FMNL2: variants seen among roughly 807,000 people sequenced by gnomAD.
FMNL2 encodes formin like 2.
Under a neutral mutation model 130.2 loss-of-function variants are expected in FMNL2, and 51 were observed. The ratio of observed to expected loss-of-function variants is 0.39; its 90% CI spans 0.31 to 0.49. The LOEUF (loss-of-function observed/expected upper bound fraction) is 0.49, where lower values mean the gene tolerates loss of function less well. Ranked by LOEUF, FMNL2 falls within the 20% of genes least tolerant of loss-of-function variation. FMNL2 has a pLI of 0.85. For synonymous variants in FMNL2, 465 were observed against 467.1 expected, an observed-to-expected ratio of 1.00 and a Z score of 0.06; for missense variants, 977 against 1,316.2, an observed-to-expected ratio of 0.74 and a Z score of 3.99.
chr2:152,406,755 T>A (rs1686004736), intron 1 of FMNL2, among the ~76,000 whole-genome samples: 1 of 152,092 alleles, frequency 6.6e-6, no homozygotes, highest in Non-Finnish European at 1.5e-5. Context: ...CCACGTACTG[T>A]TCCACTTTAA....
intron 1 of FMNL2, among the ~76,000 whole-genome samples, chr2:152,454,789 G>A (rs532634046): frequency 6.6e-6 from 1 of 152,322 alleles, no homozygotes; most frequent in Admixed American, 6.5e-5. Flanking sequence ...GTCTGTTCAT[G>A]CCATTGATTT....
chr2:152,489,381 G>A (rs958011434), intron 1 of FMNL2, among the ~76,000 whole-genome samples: 3 of 152,180 alleles, frequency 2.0e-5, no homozygotes, highest in African/African-American at 7.2e-5. Flanking sequence ...TTAACAGTAT[G>A]CATTTCAACT....
intron 4 of FMNL2, among the ~76,000 whole-genome samples, chr2:152,554,906 C>T (rs905303353): frequency 6.6e-6 from 1 of 152,178 alleles, no homozygotes; most frequent in African/African-American, 2.4e-5. Flanking sequence ...GCTACTTGAG[C>T]AGGTAGCAGA....
chr2:152,626,764 A>G, intron 17 of FMNL2, 37 bp downstream of exon 17: 1 of 1,540,074 alleles, frequency 6.5e-7, no homozygotes, highest in Non-Finnish European at 8.8e-7. Flanking sequence ...TTAGTTTATG[A>G]TAAAATGAAA....
intron 1 of FMNL2, among the ~76,000 whole-genome samples, chr2:152,387,493 T>C (rs1684849020): frequency 6.6e-6 from 1 of 152,248 alleles, no homozygotes; most frequent in Non-Finnish European, 1.5e-5. Flanking sequence ...TCTATAAATG[T>C]ATGAAATATA....
intron 6 of FMNL2, among the ~76,000 whole-genome samples, chr2:152,569,539 G>A (rs562517584): frequency 2.7e-5 from 4 of 148,048 alleles, no homozygotes; most frequent in East Asian, 2.0e-4. Flanking sequence ...TTGCTTAGCC[G>A]GGCGTGGTGG....
intron 1 of FMNL2, among the ~76,000 whole-genome samples, chr2:152,408,554 A>C (rs1004239854): frequency 6.6e-6 from 1 of 152,214 alleles, no homozygotes; most frequent in Non-Finnish European, 1.5e-5. Context: ...TTTCTCCTTG[A>C]AATACAGATG....
chr2:152,531,175 A>G (rs1268252813), intron 2 of FMNL2, among the ~76,000 whole-genome samples: 1 of 152,218 alleles, frequency 6.6e-6, no homozygotes, highest in African/African-American at 2.4e-5. Flanking sequence ...CAGATAGAGT[A>G]TAACTTCAAG....
At chr2:152,355,489 GT>G (rs1682731898) in intron 1 of FMNL2, among the ~76,000 whole-genome samples, 1 of 152,026 alleles carries the variant, frequency 6.6e-6, no homozygotes, top group Non-Finnish European at 1.5e-5. Context: ...AGGGCTTTAG[GT>G]TTTTCTCATG....
At chr2:152,519,493 A>T (rs1197078931) in intron 1 of FMNL2, among the ~76,000 whole-genome samples, 1 of 152,208 alleles carries the variant, frequency 6.6e-6, no homozygotes, top group Non-Finnish European at 1.5e-5. Flanking sequence ...TCCTGTGGCG[A>T]TGTTTGCCAA....
chr2:152,540,339 A>G (rs982708790), intron 2 of FMNL2, among the ~76,000 whole-genome samples: 8 of 152,152 alleles, frequency 5.3e-5, no homozygotes, highest in African/African-American at 1.9e-4. Context: ...ATTTAAAAAA[A>G]GTAGTTTATA....
rs528210817 is a variant in FMNL2, at chr2:152,580,366, A to G, written c.783-590A>G. 2.0e-5 allele frequency among the ~76,000 whole-genome samples: 3 copies of G among 152,352 alleles called. No individual in the cohort carries two copies. The East Asian group carries it at 5.8e-4, about 29-fold the overall frequency. ...GTTTTATTTTCTTGAGTCAAAGAAA[A>G]TATTCTTGTGTTAGTAAAGCTAGTA... On this transcript the variant is annotated intron_variant, in intron 8 of 25. Coordinates refer to ENST00000288670, the MANE Select transcript of FMNL2 (RefSeq NM_052905.4).
At chr2:152,534,930 A>G (rs1693912163) in intron 2 of FMNL2, among the ~76,000 whole-genome samples, 1 of 152,206 alleles carries the variant, frequency 6.6e-6, no homozygotes, top group Admixed American at 6.5e-5. Flanking sequence ...AAATGATTTC[A>G]TATTCAGAGC....
At chr2:152,510,979 T>C (rs1284835045) in intron 1 of FMNL2, among the ~76,000 whole-genome samples, 1 of 152,224 alleles carries the variant, frequency 6.6e-6, no homozygotes, top group Non-Finnish European at 1.5e-5. Context: ...GTTGATAGTT[T>C]TATTTTTAAT....
chr2:152,390,107 A>T, intron 1 of FMNL2: 1 of 1,405,544 alleles, frequency 7.1e-7, no homozygotes, highest in African/African-American at 1.4e-5. Context: ...AGGAGGACAA[A>T]GGAAAACTGA....
At chr2:152,403,884 A>G (rs1685840648) in intron 1 of FMNL2, among the ~76,000 whole-genome samples, 1 of 152,224 alleles carries the variant, frequency 6.6e-6, no homozygotes, top group Non-Finnish European at 1.5e-5. Context: ...CCTGGCCAAC[A>G]TGGTGAAACC....
intron 9 of FMNL2, among the ~76,000 whole-genome samples, chr2:152,589,991 G>GTATATGTATA (rs1697326687): frequency 1.1e-5 from 1 of 88,816 alleles, no homozygotes; most frequent in South Asian, 3.5e-4. Flanking sequence ...ATATGTATAT[G>GTATATGTATA]TATATGTATA....
intron 4 of FMNL2, among the ~76,000 whole-genome samples, chr2:152,556,760 T>C (rs1695230135): frequency 6.6e-6 from 1 of 152,102 alleles, no homozygotes; most frequent in Admixed American, 6.6e-5. Flanking sequence ...CTACAGAGGC[T>C]GCATCTGGAA....
chr2:152,352,805 T>A (rs967864464), intron 1 of FMNL2, among the ~76,000 whole-genome samples: 1 of 152,020 alleles, frequency 6.6e-6, no homozygotes, highest in African/African-American at 2.4e-5. Context: ...TTTTTTTAAA[T>A]GCCCCTAGTA....
Sources: allele counts gnomAD v4.1 joint callset (sites outside exome capture counted in the v4.1 genomes callset), GRCh38; gene constraint gnomAD v4.1.1; transcripts MANE v1.5; gene names NCBI Gene and HGNC (gene_info 2026-07-23, HGNC 2026-07-21).